MCF2L: variants seen among roughly 807,000 people sequenced by gnomAD.
MCF2L encodes MCF.2 cell line derived transforming sequence like.
A neutral mutation model predicts 153.4 loss-of-function variants in MCF2L; 97 were observed. That is an observed-to-expected ratio of 0.63 (90% CI 0.54 to 0.75). The LOEUF (loss-of-function observed/expected upper bound fraction) is 0.75. MCF2L is among the 30% of genes least tolerant of loss of function. MCF2L has a pLI of 0.00. For missense variants in MCF2L, 1,347 were observed against 1,495.2 expected (o/e 0.90, Z 1.64); for synonymous variants, 659 against 632.2 (o/e 1.04, Z -0.64).
intron 3 of MCF2L, among the ~76,000 whole-genome samples, chr13:113,026,605 T>A (rs1237239321): frequency 6.6e-6 from 1 of 152,174 alleles, no homozygotes; most frequent in Non-Finnish European, 1.5e-5. Context: ...AGGGCTTCTG[T>A]GTTCTTAATG....
chr13:113,014,966 A>T (rs1251750234), intron 2 of MCF2L, 120 bp downstream of exon 2: 19 of 819,316 alleles, frequency 2.3e-5, no homozygotes, highest in Non-Finnish European at 3.1e-5. Flanking sequence ...GGGGCTGTGT[A>T]TTCACTGCCT....
chr13:112,996,075 T>C (rs2083118326), intron 1 of MCF2L, among the ~76,000 whole-genome samples: 1 of 152,116 alleles, frequency 6.6e-6, no homozygotes, highest in East Asian at 1.9e-4. Flanking sequence ...CCTCCCCTTT[T>C]CCCGAAGCCA....
intron 2 of MCF2L, among the ~76,000 whole-genome samples, chr13:112,908,688 G>A (rs544734811): frequency 4.6e-5 from 7 of 151,896 alleles, no homozygotes; most frequent in Admixed American, 1.3e-4. Flanking sequence ...AGTCACCAGC[G>A]TGTCAGACAC....
At chr13:113,029,237 C>T (rs1302860864) in intron 3 of MCF2L, among the ~76,000 whole-genome samples, 4 of 152,176 alleles carry the variant, frequency 2.6e-5, no homozygotes, top group South Asian at 4.1e-4. Flanking sequence ...CATCCTAGGG[C>T]GCAGCAGCCG....
intron 12 of MCF2L, 115 bp downstream of exon 12, chr13:113,076,272 T>C: frequency 1.9e-6 from 1 of 531,758 alleles, no homozygotes; most frequent in Non-Finnish European, 2.7e-6. Context: ...TTTATTATTA[T>C]TTTTTTTTTG....
chr13:112,928,722 C>T (rs1204991559), intron 2 of MCF2L, among the ~76,000 whole-genome samples: 4 of 152,204 alleles, frequency 2.6e-5, no homozygotes, highest in Non-Finnish European at 4.4e-5. Context: ...ACATGTAAAA[C>T]GCATGTGGTC....
At chr13:112,955,401 C>T (rs1397673886) in intron 2 of MCF2L, among the ~76,000 whole-genome samples, 1 of 152,156 alleles carries the variant, frequency 6.6e-6, no homozygotes, top group Non-Finnish European at 1.5e-5. Context: ...ATTTCCATGG[C>T]CCATTTTTGT....
At chr13:113,063,195 G>A (rs1227641866) in intron 5 of MCF2L, among the ~76,000 whole-genome samples, 1 of 152,246 alleles carries the variant, frequency 6.6e-6, no homozygotes, top group Non-Finnish European at 1.5e-5. Context: ...GAAGGAGGCA[G>A]CTGAGACACA....
chr13:113,049,016 C>T (rs1257339511), intron 4 of MCF2L, among the ~76,000 whole-genome samples: 1 of 152,066 alleles, frequency 6.6e-6, no homozygotes, highest in Non-Finnish European at 1.5e-5. Context: ...AGGGCGTCTT[C>T]CTGTCCCCAG....
chr13:112,930,602 T>G (rs2081452479), intron 2 of MCF2L, among the ~76,000 whole-genome samples: 1 of 152,174 alleles, frequency 6.6e-6, no homozygotes, highest in Admixed American at 6.6e-5. Context: ...ATCATGTATT[T>G]GTCAAAACCC....
chr13:112,933,293 T>G (rs966564570), intron 2 of MCF2L, among the ~76,000 whole-genome samples: 7 of 152,152 alleles, frequency 4.6e-5, no homozygotes, highest in African/African-American at 1.7e-4. Flanking sequence ...ATTTCGGAGG[T>G]TCCTCTGCCA....
chr13:113,024,037 G>A (rs75509408), intron 2 of MCF2L, among the ~76,000 whole-genome samples: 14,571 of 152,290 alleles, frequency 0.096, 952 homozygotes, highest in Admixed American at 0.19. Flanking sequence ...GACTCCGTCC[G>A]GCCAAGGCAG....
intron 2 of MCF2L, among the ~76,000 whole-genome samples, chr13:113,017,309 G>C (rs1162735154): frequency 6.6e-6 from 1 of 152,212 alleles, no homozygotes; most frequent in African/African-American, 2.4e-5. Context: ...GCCCCTTCCG[G>C]AGGCTCCTCC....
intron 1 of MCF2L, among the ~76,000 whole-genome samples, chr13:112,986,694 G>A (rs2082656315): frequency 6.6e-6 from 1 of 152,234 alleles, no homozygotes; most frequent in Admixed American, 6.5e-5. Flanking sequence ...AGGGTCTGCT[G>A]GGCGGGCCTG....
In MCF2L at chr13:113,003,745, G is replaced by A. The variant is rs189869884; in HGVS notation, c.80-11018G>A. 3.7e-3 allele frequency among the ~76,000 whole-genome samples: 558 copies of A among 152,250 alleles called. 2 individuals carry two copies. Among genetic ancestry groups the A allele is most frequent in the African/African-American group, 0.012 (512 of 41,536 alleles). ...TAGGGTACATTGAAGAAGCATTGTC[G>A]GTGCCAGGGTCAGCCAGGGTCAGCC... On this transcript the variant is annotated intron_variant, in intron 1 of 29. Coordinates refer to ENST00000535094, the MANE Select transcript of MCF2L (RefSeq NM_001112732.3).
chr13:113,058,014 T>G (rs2030531307), intron 4 of MCF2L, among the ~76,000 whole-genome samples: 1 of 141,682 alleles, frequency 7.1e-6, no homozygotes, highest in Non-Finnish European at 1.5e-5. Context: ...CTCTGAGTGT[T>G]TGGACACTGA....
chr13:112,943,659 G>A lies in MCF2L; in HGVS notation c.169+41288G>A, dbSNP rs1472346602. ...CCTGCCGGCCAGTCCCTTACCCGGGGACAGACGGGGAAGGCGGGAGCGCTC... is the reference window on the plus strand; with the variant it reads ...CCTGCCGGCCAGTCCCTTACCCGGGAACAGACGGGGAAGGCGGGAGCGCTC... On this transcript the variant is annotated intron_variant, in intron 2 of 29. Coordinates refer to the MCF2L transcript ENST00000375608. This position sits in a 1 kb window ranked among gnomAD's most constrained non-coding sequence, Gnocchi z 4.2. Among the ~76,000 whole-genome samples the A allele has an allele frequency of 6.6e-6, 1 of 152,132 alleles. No individual in the cohort carries two copies.
chr13:113,095,406 G>T (rs187417596), intron 27 of MCF2L: 6 of 1,098,058 alleles, frequency 5.5e-6, no homozygotes, highest in African/African-American at 1.7e-5. Flanking sequence ...GAACAGATGT[G>T]GGGGACACAG....
intron 2 of MCF2L, chr13:112,956,004 T>G (rs935643470): frequency 5.3e-5 from 8 of 152,242 alleles, no homozygotes; most frequent in African/African-American, 1.7e-4. Flanking sequence ...AAATCAAGTC[T>G]GGATGTCAGA....
Sources: allele counts gnomAD v4.1 joint callset (sites outside exome capture counted in the v4.1 genomes callset), GRCh38; gene constraint gnomAD v4.1.1; non-coding constraint Gnocchi (gnomAD v3.1); transcripts MANE v1.5; gene names NCBI Gene and HGNC (gene_info 2026-07-23, HGNC 2026-07-21).